Variants in SMAD5 observed in about 807,000 individuals in gnomAD.
SMAD5 encodes the protein SMAD family member 5.
SMAD5 carries 9 observed loss-of-function variants against 43.1 expected under a neutral mutation model. The observed-to-expected ratio is 0.21, with a 90% CI of 0.13 to 0.36. SMAD5 has a LOEUF of 0.36. Ranked by LOEUF, SMAD5 falls within the 10% of genes least tolerant of loss-of-function variation. The pLI, the probability that SMAD5 is intolerant of heterozygous loss-of-function variation, is 1.00. For missense variants in SMAD5, 348 were observed against 574.0 expected, an observed-to-expected ratio of 0.61 and a Z score of 4.02; for synonymous variants, 190 against 192.4, an observed-to-expected ratio of 0.99 and a Z score of 0.10.
In SMAD5 at chr5:136,172,600, G is replaced by A. The variant is rs1357583780; in HGVS notation, c.942G>A (p.Leu314=). The change falls in exon 6 of 8, where the codon TTG becomes TTA. Residue 314 remains leucine (L), a synonymous_variant. Transcript: ENST00000545279. ...AAAGTAGATTCTGCTTGGGTTTGTT[G>A]TCAAATGTTAATCGTAATTCGACAA... The part of the protein sequence containing the change: ...NNKSRFCLGL[L]SNVNRNSTIE... The A allele has an allele frequency of 6.2e-7, 1 of 1,613,410 alleles. No individual in the cohort carries two copies. Among genetic ancestry groups the A allele is most frequent in the Admixed American group, 1.7e-5 (1 of 60,018 alleles).
intron 1 of SMAD5, among the ~76,000 whole-genome samples, chr5:136,141,349 A>G (rs1753076738): frequency 6.6e-6 from 1 of 152,182 alleles, no homozygotes. Flanking sequence ...CACACTGTGA[A>G]AAGTGCTAGA....
chr5:136,149,671 AT>A (rs1479006988), intron 2 of SMAD5, among the ~76,000 whole-genome samples: 2 of 151,818 alleles, frequency 1.3e-5, no homozygotes, highest in Non-Finnish European at 2.9e-5. Flanking sequence ...ACTAATTTTT[AT>A]GATGAATTTT....
intron 6 of SMAD5, 78 bp from the exon 7 acceptor site, chr5:136,174,298 T>C (rs1754328552): frequency 1.4e-6 from 2 of 1,392,088 alleles, no homozygotes; most frequent in Non-Finnish European, 2.0e-6. Context: ...AATGGGTACT[T>C]TTGTTGCACC....
At chr5:136,140,762 T>G (rs987111929) in intron 1 of SMAD5, among the ~76,000 whole-genome samples, 1 of 151,418 alleles carries the variant, frequency 6.6e-6, no homozygotes, top group African/African-American at 2.4e-5. Context: ...AACATATCAT[T>G]TACTATATCT....
chr5:136,136,898 C>T (rs10045754), intron 1 of SMAD5, among the ~76,000 whole-genome samples: 54,722 of 151,798 alleles, frequency 0.36, 10,845 homozygotes, highest in African/African-American at 0.54. Context: ...AGTTTCACCT[C>T]GTTGGCCAGG....
chr5:136,144,247 A>G (rs564182063), intron 1 of SMAD5, among the ~76,000 whole-genome samples: 2 of 152,138 alleles, frequency 1.3e-5, no homozygotes, highest in East Asian at 1.9e-4. Flanking sequence ...GGTTTCATGG[A>G]CACTGTTCAG....
chr5:136,150,682 G>A (rs1449486386), intron 2 of SMAD5, among the ~76,000 whole-genome samples: 2 of 151,904 alleles, frequency 1.3e-5, no homozygotes, highest in Non-Finnish European at 2.9e-5. Context: ...ATTTGGATTG[G>A]ATCAGAAGGT....
intron 1 of SMAD5, among the ~76,000 whole-genome samples, chr5:136,140,233 G>T (rs1051509543): frequency 1.3e-5 from 2 of 152,088 alleles, no homozygotes; most frequent in African/African-American, 4.8e-5. Flanking sequence ...ATGTTCGCCA[G>T]GCTGGTCTTG....
chr5:136,156,354 A>G (rs1164200980), intron 3 of SMAD5, among the ~76,000 whole-genome samples: 6 of 152,184 alleles, frequency 3.9e-5, no homozygotes, highest in African/African-American at 9.6e-5. Context: ...GAATTACCCA[A>G]TGGTTTGAAT....
At chr5:136,176,869 T>C (rs1288243195) in intron 7 of SMAD5, among the ~76,000 whole-genome samples, 1 of 152,230 alleles carries the variant, frequency 6.6e-6, no homozygotes, top group Non-Finnish European at 1.5e-5. Flanking sequence ...TCTTTGGGGC[T>C]ATGTAAATAC....
chr5:136,169,356 G>T (rs1296147744), intron 5 of SMAD5, among the ~76,000 whole-genome samples: 1 of 152,144 alleles, frequency 6.6e-6, no homozygotes, highest in African/African-American at 2.4e-5. Flanking sequence ...GCCTCTCCCA[G>T]TCCACTGACT....
intron 5 of SMAD5, among the ~76,000 whole-genome samples, chr5:136,169,634 A>G (rs921677676): frequency 1.8e-4 from 27 of 152,222 alleles, no homozygotes; most frequent in African/African-American, 6.5e-4. Context: ...TCTCATTTGA[A>G]TAAGAAGCAT....
At chr5:136,156,892 G>C (rs1753656508) in intron 3 of SMAD5, among the ~76,000 whole-genome samples, 1 of 152,104 alleles carries the variant, frequency 6.6e-6, no homozygotes, top group African/African-American at 2.4e-5. Context: ...GAGACCTCAT[G>C]TTTCGCCCTG....
chr5:136,163,175 A>G (rs1490775539), intron 4 of SMAD5, 97 bp from the exon 5 acceptor site: 2 of 1,057,646 alleles, frequency 1.9e-6, no homozygotes, highest in Non-Finnish European at 2.7e-6. Flanking sequence ...ATGTTCAGTA[A>G]TGAAGCTTGC....
intron 1 of SMAD5, among the ~76,000 whole-genome samples, chr5:136,140,773 C>T (rs1467361896): frequency 2.0e-5 from 3 of 151,064 alleles, no homozygotes; most frequent in Admixed American, 1.3e-4. Context: ...TACTATATCT[C>T]GTTGGCCTCC....
At chr5:136,168,493 A>G (rs1473419135) in intron 5 of SMAD5, among the ~76,000 whole-genome samples, 1 of 152,178 alleles carries the variant, frequency 6.6e-6, no homozygotes, top group Non-Finnish European at 1.5e-5. Flanking sequence ...AAGTTCTCAC[A>G]TACTCTCTTC....
At chr5:136,174,892 A>G (rs1031026644) in intron 7 of SMAD5, among the ~76,000 whole-genome samples, 4 of 152,204 alleles carry the variant, frequency 2.6e-5, no homozygotes, top group African/African-American at 9.7e-5. Flanking sequence ...AAGGAATTTT[A>G]GTTAAAAGAC....
intron 7 of SMAD5, among the ~76,000 whole-genome samples, chr5:136,175,329 C>G (rs1156388789): frequency 1.3e-5 from 2 of 152,146 alleles, no homozygotes; most frequent in Non-Finnish European, 2.9e-5. Flanking sequence ...AGTCTCTTAA[C>G]TTCAACAGTT....
chr5:136,172,688 T>TTCAA, intron 6 of SMAD5, 33 bp downstream of exon 6: 2 of 1,396,294 alleles, frequency 1.4e-6, no homozygotes, highest in South Asian at 2.3e-5. Flanking sequence ...TTTAATCGAA[T>TTCAA]TCAATCATTT....
Sources: allele counts gnomAD v4.1 joint callset (sites outside exome capture counted in the v4.1 genomes callset), GRCh38; gene constraint gnomAD v4.1.1; transcripts MANE v1.5; gene names NCBI Gene and HGNC (gene_info 2026-07-23, HGNC 2026-07-21).